SPOP: variants seen among roughly 807,000 people sequenced by gnomAD.
SPOP encodes the protein speckle-type POZ protein.
In SPOP, 11 loss-of-function variants were observed where a neutral mutation model predicts 45.6. The observed-to-expected ratio is 0.24, with a 90% CI of 0.15 to 0.40. The LOEUF is 0.40. Ranked by LOEUF, SPOP falls within the 10% of genes least tolerant of loss-of-function variation. The pLI is 1.00. For missense variants in SPOP, 152 were observed against 465.6 expected (o/e 0.33, Z 6.20); for synonymous variants, 166 against 166.3 (o/e 1.00, Z 0.01).
chr17:49,636,146 T>A (rs1436788470), intron 1 of SPOP: 3 of 152,152 alleles, frequency 2.0e-5, no homozygotes, highest in African/African-American at 7.2e-5. Flanking sequence ...TGCAGGCATG[T>A]GCCACCACAC....
intron 1 of SPOP, among the ~76,000 whole-genome samples, chr17:49,634,127 GAT>G (rs548155161): frequency 9.3e-4 from 141 of 152,256 alleles, no homozygotes; most frequent in Non-Finnish European, 2.1e-4. Flanking sequence ...AAACAAACCT[GAT>G]TACAAAGGGG....
At chr17:49,648,989 C>T (rs2072801342) in intron 1 of SPOP, among the ~76,000 whole-genome samples, 1 of 152,030 alleles carries the variant, frequency 6.6e-6, no homozygotes, top group South Asian at 2.1e-4. Context: ...GATCTCCTGA[C>T]CCCATGATCC....
At chr17:49,613,700 G>A (rs2072024255) in intron 5 of SPOP, among the ~76,000 whole-genome samples, 1 of 152,194 alleles carries the variant, frequency 6.6e-6, no homozygotes. Context: ...GGAGTCTCCA[G>A]AGCTCTGAAT....
chr17:49,606,203 G>A (rs2143145716), intron 8 of SPOP, among the ~76,000 whole-genome samples: 1 of 152,120 alleles, frequency 6.6e-6, no homozygotes, highest in East Asian at 1.9e-4. Flanking sequence ...ACCCAGGCTG[G>A]AATGCAATGG....
intron 2 of SPOP, 47 bp downstream of exon 2, chr17:49,622,685 CA>C (rs1276283324): frequency 6.4e-7 from 1 of 1,554,642 alleles, no homozygotes; most frequent in Non-Finnish European, 8.9e-7. Context: ...TTTCGTCCAC[CA>C]AATCCTCCCC....
Position 49,607,268 on chromosome 17 carries a change from C to T in SPOP, c.819G>A (p.Leu273=). Reference sequence around the variant, plus strand: ...ATCTTACCTTGTCAGCAGCTGCCAGCAAATCATCAGCCATTTTGTCGAGGT... The same window carrying T: ...ATCTTACCTTGTCAGCAGCTGCCAGTAAATCATCAGCCATTTTGTCGAGGT... ...APNLDKMADD[L]LAAADKYALE... is the part of the protein sequence containing the mutation. The change falls in exon 8 of 10, where the codon TTG becomes TTA. Residue 273 remains leucine (L), a synonymous_variant. Coordinates refer to ENST00000504102, the MANE Select transcript of SPOP (RefSeq NM_001007228.2). 6.2e-7 allele frequency: 1 copy of T among 1,614,070 alleles called. No homozygotes were observed. Among genetic ancestry groups the T allele is most frequent in the Non-Finnish European group, 8.5e-7 (1 of 1,179,998 alleles).
At chr17:49,622,348 C>T in intron 2 of SPOP, 1 of 571,824 alleles carries the variant, frequency 1.7e-6, no homozygotes, top group Non-Finnish European at 3.3e-6. Flanking sequence ...CCACCATGGA[C>T]AGGGCTGGGA....
intron 5 of SPOP, among the ~76,000 whole-genome samples, chr17:49,615,534 A>AT (rs2072067877): frequency 6.6e-6 from 1 of 152,202 alleles, no homozygotes; most frequent in East Asian, 1.9e-4. Context: ...ACAGGGACTA[A>AT]TTATGTTGTC....
intron 1 of SPOP, among the ~76,000 whole-genome samples, chr17:49,623,426 A>C (rs1478858654): frequency 6.6e-6 from 1 of 152,216 alleles, no homozygotes; most frequent in Non-Finnish European, 1.5e-5. Flanking sequence ...TTGCTGAATG[A>C]ATTTATTCAA....
At chr17:49,602,432 T>C in intron 8 of SPOP, 3 of 160,062 alleles carry the variant, frequency 1.9e-5, no homozygotes, top group Non-Finnish European at 4.1e-5. Flanking sequence ...GGAAACATGA[T>C]CTGTGGGGAA....
intron 1 of SPOP, among the ~76,000 whole-genome samples, chr17:49,666,916 C>T (rs545130991): frequency 4.6e-5 from 7 of 152,190 alleles, no homozygotes; most frequent in East Asian, 3.9e-4. Context: ...TGGTGGCTCA[C>T]GCCTGCAATC....
At chr17:49,633,616 G>T (rs2072491731) in intron 1 of SPOP, among the ~76,000 whole-genome samples, 1 of 152,106 alleles carries the variant, frequency 6.6e-6, no homozygotes, top group Non-Finnish European at 1.5e-5. Context: ...TATCCACTAT[G>T]TAACAGTTAT....
intron 1 of SPOP, among the ~76,000 whole-genome samples, chr17:49,638,180 G>A (rs2072577821): frequency 6.6e-6 from 1 of 152,216 alleles, no homozygotes; most frequent in South Asian, 2.1e-4. Context: ...CAGAAACTGG[G>A]ATAAGAGAAG....
chr17:49,627,145 G>A (rs552640542), intron 1 of SPOP, among the ~76,000 whole-genome samples: 16 of 152,234 alleles, frequency 1.1e-4, no homozygotes, highest in Middle Eastern at 3.4e-3. Flanking sequence ...CACCACGCCC[G>A]GCCAGGAATT....
intron 1 of SPOP, among the ~76,000 whole-genome samples, chr17:49,677,259 A>C (rs1373266055): frequency 6.6e-6 from 1 of 152,214 alleles, no homozygotes; most frequent in Non-Finnish European, 1.5e-5. Context: ...GTACAAGCAC[A>C]ACGATGGGAG....
intron 1 of SPOP, among the ~76,000 whole-genome samples, chr17:49,670,648 A>ATTTG: frequency 6.6e-6 from 1 of 152,128 alleles, no homozygotes; most frequent in Non-Finnish European, 1.5e-5. Flanking sequence ...TGTATCTTTC[A>ATTTG]TTTGTATTAA....
chr17:49,675,007 T>G (rs970582054), intron 1 of SPOP, among the ~76,000 whole-genome samples: 1 of 152,136 alleles, frequency 6.6e-6, no homozygotes, highest in Non-Finnish European at 1.5e-5. Context: ...TGATCAAAAA[T>G]TTTGATAATA....
Position 49,600,914 on chromosome 17 carries a change from G to C in SPOP, c.981-392C>G, listed in dbSNP as rs572518321. ...CAGCCTTTAACCACAGGGCAGATCA[G>C]AGCCTGGGGCCTACTTGATTATCAA... is the stretch of plus-strand genomic sequence containing the variant. On this transcript the variant is annotated intron_variant, in intron 9 of 9. Transcript: ENST00000504102. This position sits in a 1 kb window ranked among gnomAD's most constrained non-coding sequence, Gnocchi z 4.2. 2 of 185,352 alleles carry C rather than the reference G, an allele frequency of 1.1e-5. No homozygotes were observed. The highest frequency in any genetic ancestry group is 4.7e-5 in the African/African-American group (2 of 42,962). 11.5% of individuals were successfully genotyped at this position (185,352 alleles called of 1,614,324 possible). A position where few individuals can be genotyped will look rare whatever the true frequency, so the allele number is the denominator to read the frequency against.
At chr17:49,665,349 A>T (rs1043369684) in intron 1 of SPOP, among the ~76,000 whole-genome samples, 4 of 152,088 alleles carry the variant, frequency 2.6e-5, no homozygotes, top group Admixed American at 6.6e-5. Context: ...GCGCAGTGGC[A>T]CACACCTGTA....
Sources: gnomAD v4.1 joint callset for allele counts (sites outside exome capture counted in the v4.1 genomes callset) on GRCh38, gnomAD v4.1.1 for gene constraint, Gnocchi (gnomAD v3.1) non-coding constraint, MANE v1.5 for transcripts, NCBI Gene and HGNC (gene_info 2026-07-23, HGNC 2026-07-21) for gene names.